Variants in APBA2 observed in about 807,000 individuals in gnomAD.
APBA2 encodes the protein amyloid-beta A4 precursor protein-binding family A member 2.
In APBA2, 30 loss-of-function variants were observed where a neutral mutation model predicts 75.0. That is an observed-to-expected ratio of 0.40 (90% CI 0.30 to 0.54). The LOEUF is 0.54. Ranked by LOEUF, APBA2 falls within the 20% of genes least tolerant of loss-of-function variation. The probability of loss-of-function intolerance (pLI) is 0.49; values close to 1 mark genes in which losing one functional copy is unlikely to be tolerated. For missense variants in APBA2, 801 were observed against 1,016.1 expected (o/e 0.79, Z 2.88); for synonymous variants, 444 against 409.6 (o/e 1.08, Z -1.01).
At chr15:29,083,577 C>T (rs990642637) in intron 6 of APBA2, among the ~76,000 whole-genome samples, 15 of 152,182 alleles carry the variant, frequency 9.9e-5, no homozygotes, top group Non-Finnish European at 4.4e-5. Context: ...GTCGCCCAGG[C>T]TGGAGTGCAA....
At chr15:28,909,520 C>G (rs1361785506) in intron 1 of APBA2, among the ~76,000 whole-genome samples, 3 of 152,166 alleles carry the variant, frequency 2.0e-5, no homozygotes, top group Non-Finnish European at 2.9e-5. Flanking sequence ...CCTCAGACAT[C>G]GAGAATATCT....
chr15:28,946,424 G>A (rs1451020515), intron 2 of APBA2, among the ~76,000 whole-genome samples: 5 of 152,162 alleles, frequency 3.3e-5, no homozygotes, highest in African/African-American at 7.2e-5. Context: ...TGGAGGAAGC[G>A]GCTGCAAGCC....
intron 7 of APBA2, among the ~76,000 whole-genome samples, chr15:29,094,049 A>G (rs1455913349): frequency 6.6e-6 from 1 of 152,106 alleles, no homozygotes; most frequent in African/African-American, 2.4e-5. Flanking sequence ...CCTGTCCTCC[A>G]TAGATGGGGT....
rs368217402 is a variant in APBA2, at chr15:28,969,763, GAC to G, written c.-94-25988_-94-25987del. ...CTGAGGATTGAAGGGGCCAAAAGCT[GAC>G]AAAATTCTGTGCGGGGGCTGAGTGG... On this transcript the variant is annotated intron_variant, in intron 2 of 14. Transcript: ENST00000683413. Among the ~76,000 whole-genome samples the G allele has an allele frequency of 3.3e-3, 508 of 152,326 alleles. 5 individuals are homozygous for G. Among genetic ancestry groups the G allele is most frequent in the African/African-American group, 0.011 (478 of 41,568 alleles).
intron 2 of APBA2, among the ~76,000 whole-genome samples, chr15:28,957,526 G>C (rs1310775479): frequency 6.6e-6 from 1 of 152,164 alleles, no homozygotes; most frequent in African/African-American, 2.4e-5. Context: ...CGTGTACAAG[G>C]GTTCCAGTTT....
intron 10 of APBA2, among the ~76,000 whole-genome samples, chr15:29,103,656 C>T (rs1015041397): frequency 6.6e-6 from 1 of 152,180 alleles, no homozygotes; most frequent in Non-Finnish European, 1.5e-5. Flanking sequence ...CGGAGGATGT[C>T]GTCCAAGGGG....
At chr15:28,942,879 G>T (rs543127613) in intron 2 of APBA2, among the ~76,000 whole-genome samples, 1 of 152,294 alleles carries the variant, frequency 6.6e-6, no homozygotes, top group African/African-American at 2.4e-5. Context: ...TGTCCCCGAG[G>T]CCCGTGGCCG....
chr15:29,088,569 A>G lies in APBA2; in HGVS notation c.1070-4506A>G, dbSNP rs1028323179. Among the ~76,000 whole-genome samples the G allele has an allele frequency of 6.6e-5, 10 of 152,012 alleles. No individual in the cohort carries two copies. In the South Asian group the frequency reaches 1.5e-3, roughly 22 times the overall value. ...CCTGTTGATGGACCCCTAAATCCCCATCTGTTGCTGTCTCTCCATTTCCGT... is the reference window on the plus strand; with the variant it reads ...CCTGTTGATGGACCCCTAAATCCCCGTCTGTTGCTGTCTCTCCATTTCCGT... On this transcript the variant is annotated intron_variant, in intron 6 of 14. Coordinates refer to ENST00000683413, the MANE Select transcript of APBA2 (RefSeq NM_001353788.2).
chr15:28,985,321 C>T (rs957776614), intron 2 of APBA2, among the ~76,000 whole-genome samples: 7 of 152,174 alleles, frequency 4.6e-5, no homozygotes, highest in African/African-American at 1.7e-4. Flanking sequence ...CCCCTTCATG[C>T]TTTGCACTTT....
At chr15:28,995,512 C>A (rs571742089) in intron 2 of APBA2, among the ~76,000 whole-genome samples, 5 of 152,308 alleles carry the variant, frequency 3.3e-5, no homozygotes, top group Admixed American at 6.5e-5. Context: ...TAAGCCATCT[C>A]TTTATTTGCC....
In APBA2 at chr15:29,105,481, T is replaced by C. The variant is rs775456844; in HGVS notation, c.1627T>C (p.Tyr543His). The C allele has an allele frequency of 1.2e-6, 2 of 1,613,946 alleles. No individual in the cohort carries two copies. Among genetic ancestry groups the C allele is most frequent in the Non-Finnish European group, 1.7e-6 (2 of 1,180,020 alleles). Residue 543 changes from tyrosine to histidine, a missense_variant, in exon 11 of 15, where the codon TAC (tyrosine) becomes CAC (histidine). By Grantham distance (83) the Tyr-to-His change is moderately conservative. Transcript: ENST00000683413. Reference sequence around the variant, plus strand: ...CCCCGAAGACTTGAGCCAGAAGGAATACAGCGACATCATCAACACCCAGGA... The same window carrying C: ...CCCCGAAGACTTGAGCCAGAAGGAACACAGCGACATCATCAACACCCAGGA... ...INPEDLSQKE[Y>H]SDIINTQEMY... is the part of the protein sequence containing the mutation.
chr15:29,052,790 A>G (rs552014419), intron 3 of APBA2, among the ~76,000 whole-genome samples: 1 of 152,274 alleles, frequency 6.6e-6, no homozygotes, highest in East Asian at 1.9e-4. Context: ...AGCATCTGGT[A>G]AGGGCCTTCT....
chr15:29,068,907 A>G lies in APBA2; in HGVS notation c.952-6014A>G, dbSNP rs555065404. Among the ~76,000 whole-genome samples, 11 of 152,310 alleles carry G rather than the reference A, an allele frequency of 7.2e-5. No individual in the cohort carries two copies. The South Asian group carries it at 1.9e-3, about 26-fold the overall frequency. Reference sequence around the variant, plus strand: ...AAAGTTTACCATTTTAAAGTGTACAATTCAGTGGCATTTATCACAATGTTG... The same window carrying G: ...AAAGTTTACCATTTTAAAGTGTACAGTTCAGTGGCATTTATCACAATGTTG... On this transcript the variant is annotated intron_variant, in intron 4 of 14. Transcript: ENST00000683413.
intron 4 of APBA2, among the ~76,000 whole-genome samples, chr15:29,073,793 G>A (rs1422521254): frequency 2.0e-5 from 3 of 152,214 alleles, no homozygotes; most frequent in Non-Finnish European, 4.4e-5. Flanking sequence ...AGGGATTTAA[G>A]GGCTATGGAT....
intron 3 of APBA2, among the ~76,000 whole-genome samples, chr15:29,047,668 C>T (rs1382622421): frequency 6.6e-6 from 1 of 152,122 alleles, no homozygotes; most frequent in African/African-American, 2.4e-5. Flanking sequence ...GTTAACTCCT[C>T]AGGGAAGTGC....
intron 12 of APBA2, 102 bp downstream of exon 12, chr15:29,106,921 C>A: frequency 8.6e-7 from 1 of 1,158,310 alleles, no homozygotes. Context: ...CCACTTCACC[C>A]ATGGGGAAAC....
chr15:29,094,200 C>T (rs766973807), intron 7 of APBA2, 78 bp from the exon 8 acceptor site: 6 of 1,526,152 alleles, frequency 3.9e-6, no homozygotes, highest in Admixed American at 1.7e-5. Flanking sequence ...GGGGCATCAA[C>T]CACCAAAGTG....
intron 4 of APBA2, among the ~76,000 whole-genome samples, chr15:29,062,765 G>C (rs892006595): frequency 4.6e-5 from 7 of 152,202 alleles, no homozygotes; most frequent in South Asian, 4.1e-4. Context: ...TCCTCGGGGA[G>C]AAAGCAGAGT....
At chr15:28,906,846 T>G (rs1238693475) in intron 1 of APBA2, among the ~76,000 whole-genome samples, 3 of 152,162 alleles carry the variant, frequency 2.0e-5, no homozygotes, top group African/African-American at 7.2e-5. Context: ...TTGTGAAGGT[T>G]TTTTTTGTTG....
Sources: gnomAD v4.1 joint callset for allele counts (sites outside exome capture counted in the v4.1 genomes callset) on GRCh38, gnomAD v4.1.1 for gene constraint, MANE v1.5 for transcripts, NCBI Gene and HGNC (gene_info 2026-07-23, HGNC 2026-07-21) for gene names.